GPR158: variants seen among roughly 807,000 people sequenced by gnomAD.
GPR158 encodes the protein metabotropic glycine receptor.
GPR158 carries 30 observed loss-of-function variants against 78.2 expected under a neutral mutation model. That is an observed-to-expected ratio of 0.38 (90% confidence interval 0.29 to 0.52). The LOEUF (loss-of-function observed/expected upper bound fraction) is 0.52, where lower values mean the gene tolerates loss of function less well. Ranked by LOEUF, GPR158 falls within the 20% of genes least tolerant of loss-of-function variation. The probability of loss-of-function intolerance (pLI) is 0.83; values close to 1 mark genes in which losing one functional copy is unlikely to be tolerated. For synonymous variants in GPR158, 581 were observed against 591.1 expected, an observed-to-expected ratio of 0.98 and a Z score of 0.25; for missense variants, 1,463 against 1,523.5, an observed-to-expected ratio of 0.96 and a Z score of 0.66.
chr10:25,366,179 T>C lies in GPR158; in HGVS notation c.1009-29732T>C, dbSNP rs144206996. Among the ~76,000 whole-genome samples, 4 of 151,820 alleles carry C rather than the reference T, an allele frequency of 2.6e-5. 1 individual carries two copies. The highest frequency in any genetic ancestry group is 9.6e-5 in the African/African-American group (4 of 41,516). ...TGTTTTTTTGGTAATTTGGGACTGT[T>C]ACAAATAGTCCATTTATTTTTGCAT... is the stretch of plus-strand genomic sequence containing the variant. On this transcript the variant is annotated intron_variant, in intron 2 of 10. Coordinates refer to ENST00000376351, the MANE Select transcript of GPR158 (RefSeq NM_020752.3).
intron 4 of GPR158, among the ~76,000 whole-genome samples, chr10:25,425,931 G>C (rs1022677410): frequency 6.6e-6 from 1 of 152,052 alleles, no homozygotes; most frequent in African/African-American, 2.4e-5. Flanking sequence ...CCAAGCTGCT[G>C]TTTCCTATCT....
chr10:25,247,937 G>A (rs1409200808), intron 2 of GPR158, among the ~76,000 whole-genome samples: 3 of 149,612 alleles, frequency 2.0e-5, no homozygotes, highest in Non-Finnish European at 3.0e-5. Context: ...CACCAACAAT[G>A]TAAAAGTGTT....
At chr10:25,467,684 G>C (rs982521752) in intron 5 of GPR158, among the ~76,000 whole-genome samples, 4 of 152,100 alleles carry the variant, frequency 2.6e-5, no homozygotes, top group African/African-American at 9.7e-5. Flanking sequence ...GGTCCTCAAA[G>C]TACACGTCAA....
At chr10:25,555,908 A>G (rs1437769803) in intron 6 of GPR158, among the ~76,000 whole-genome samples, 1 of 152,138 alleles carries the variant, frequency 6.6e-6, no homozygotes, top group Non-Finnish European at 1.5e-5. Context: ...CACTGTCCTC[A>G]TTAGCACCAA....
rs755241653 is a variant in GPR158 at position 25,175,741 on chromosome 10, C to A, written c.321C>A (p.Gly107=). The change falls in exon 1 of 11, where the codon GGC becomes GGA. Residue 107 remains glycine, a synonymous_variant. Coordinates refer to ENST00000376351, the MANE Select transcript of GPR158 (RefSeq NM_020752.3). The surrounding 1 kb of genome is among the most constrained non-coding windows in gnomAD (Gnocchi z 6.4). The stretch of plus-strand genomic sequence containing the variant: ...GCTCCGGCCGCTACGAGTTGGCGGG[C>A]CTGCCGGGGAAGTGGCCAGCCCTGG... ...ANCSGRYELA[G]LPGKWPALAS... 1.2e-6 allele frequency: 2 copies of A among 1,611,420 alleles called. No homozygotes were observed. The highest frequency in any genetic ancestry group is 1.7e-6 in the Non-Finnish European group (2 of 1,179,880).
At chr10:25,316,367 TTTA>T (rs1337031233) in intron 2 of GPR158, among the ~76,000 whole-genome samples, 2 of 152,354 alleles carry the variant, frequency 1.3e-5, no homozygotes, top group East Asian at 3.9e-4. Context: ...AACAGTTCTA[TTTA>T]TTAAGTAGTT....
At chr10:25,429,889 C>G (rs1834876183) in intron 4 of GPR158, among the ~76,000 whole-genome samples, 1 of 139,830 alleles carries the variant, frequency 7.2e-6, no homozygotes. Context: ...CTATGACAAA[C>G]CCACAGCCAA....
Position 25,491,554 on chromosome 10 carries a change from A to G in GPR158, c.1404+24835A>G, listed in dbSNP as rs537973052. ...AACTATCTTCAAATATACATTTCTT[A>G]AAATTATTGAGATAAATTATCATTT... On this transcript the variant is annotated intron_variant, in intron 5 of 10. Transcript: ENST00000376351. Among the ~76,000 whole-genome samples, 13 of 152,318 alleles carry G rather than the reference A, an allele frequency of 8.5e-5. No homozygotes were observed. In the South Asian group the frequency reaches 2.7e-3, roughly 32 times the overall value.
At chr10:25,314,656 T>C (rs1854819719) in intron 2 of GPR158, among the ~76,000 whole-genome samples, 1 of 151,486 alleles carries the variant, frequency 6.6e-6, no homozygotes, top group South Asian at 2.1e-4. Context: ...TGTTTTTTTT[T>C]TAGCTTTTGA....
chr10:25,213,354 G>T (rs1418267277), intron 1 of GPR158, among the ~76,000 whole-genome samples: 1 of 152,064 alleles, frequency 6.6e-6, no homozygotes, highest in Non-Finnish European at 1.5e-5. Flanking sequence ...TAATTTAGTT[G>T]TTGAACTTTG....
At chr10:25,189,246 A>G (rs1033041675) in intron 1 of GPR158, among the ~76,000 whole-genome samples, 1 of 152,208 alleles carries the variant, frequency 6.6e-6, no homozygotes, top group Non-Finnish European at 1.5e-5. Context: ...AGGATCTAGA[A>G]CTAGAAATGC....
chr10:25,265,799 ACTTT>A (rs1179855308), intron 2 of GPR158, among the ~76,000 whole-genome samples: 1 of 152,090 alleles, frequency 6.6e-6, no homozygotes, highest in Non-Finnish European at 1.5e-5. Context: ...TGAAAACAAA[ACTTT>A]CTTCCTTGGT....
chr10:25,387,309 T>C (rs1390511711), intron 2 of GPR158, among the ~76,000 whole-genome samples: 3 of 152,210 alleles, frequency 2.0e-5, no homozygotes, highest in African/African-American at 7.2e-5. Flanking sequence ...ATCCTTGAAT[T>C]CTAGAAATGA....
At chr10:25,337,436 G>A (rs181082781) in intron 2 of GPR158, among the ~76,000 whole-genome samples, 66 of 152,042 alleles carry the variant, frequency 4.3e-4, no homozygotes, top group South Asian at 1.4e-3. Context: ...CTTTTTTTGC[G>A]TAACAGTTTG....
chr10:25,508,507 G>A (rs1396930313), intron 5 of GPR158, among the ~76,000 whole-genome samples: 1 of 152,164 alleles, frequency 6.6e-6, no homozygotes, highest in East Asian at 1.9e-4. Flanking sequence ...ACAACAAAAG[G>A]TGAACTAGAG....
intron 5 of GPR158, among the ~76,000 whole-genome samples, chr10:25,509,314 T>C (rs1836053263): frequency 6.6e-6 from 1 of 152,162 alleles, no homozygotes; most frequent in Admixed American, 6.5e-5. Context: ...ATGGACTTCG[T>C]GCGCAGGGTT....
intron 4 of GPR158, among the ~76,000 whole-genome samples, chr10:25,435,941 G>T (rs1009050349): frequency 6.6e-6 from 1 of 152,092 alleles, no homozygotes; most frequent in African/African-American, 2.4e-5. Flanking sequence ...GATGTGAGGG[G>T]AATGGGAAAA....
intron 4 of GPR158, among the ~76,000 whole-genome samples, chr10:25,458,035 T>C (rs1835313268): frequency 6.6e-6 from 1 of 152,254 alleles, no homozygotes; most frequent in African/African-American, 2.4e-5. Flanking sequence ...TTCACATGTA[T>C]ATAAAATCAT....
intron 2 of GPR158, among the ~76,000 whole-genome samples, chr10:25,358,342 A>G (rs1855581741): frequency 6.6e-6 from 1 of 152,014 alleles, no homozygotes; most frequent in African/African-American, 2.4e-5. Context: ...ATGTGAATAT[A>G]TGAGATTTGG....
Sources: allele counts gnomAD v4.1 joint callset (sites outside exome capture counted in the v4.1 genomes callset), GRCh38; gene constraint gnomAD v4.1.1; non-coding constraint Gnocchi (gnomAD v3.1); transcripts MANE v1.5; gene names NCBI Gene and HGNC (gene_info 2026-07-23, HGNC 2026-07-21).